Variants in STPG2 observed in about 807,000 individuals in gnomAD.
STPG2 encodes the protein sperm-tail PG-rich repeat-containing protein 2.
In STPG2, 56 loss-of-function variants were observed where a neutral mutation model predicts 54.2. The observed-to-expected ratio is 1.03, with a 90% CI of 0.83 to 1.29. The LOEUF (loss-of-function observed/expected upper bound fraction) is 1.29. STPG2 is among the 50% of genes most tolerant of loss of function. The pLI is 0.00. For missense variants in STPG2, 596 were observed against 544.9 expected, an observed-to-expected ratio of 1.09 and a Z score of -0.93; for synonymous variants, 200 against 181.8, an observed-to-expected ratio of 1.10 and a Z score of -0.81.
intron 7 of STPG2, among the ~76,000 whole-genome samples, chr4:97,950,449 AT>A (rs1383573829): frequency 6.6e-6 from 1 of 151,874 alleles, no homozygotes; most frequent in Non-Finnish European, 1.5e-5. Flanking sequence ...AGAAGTTCTG[AT>A]TTTTTTCTCT....
At chr4:97,868,480 T>A (rs1309408804) in intron 8 of STPG2, among the ~76,000 whole-genome samples, 1 of 151,864 alleles carries the variant, frequency 6.6e-6, no homozygotes, top group Non-Finnish European at 1.5e-5. Flanking sequence ...GTAGCATAAG[T>A]TAAGATCATA....
intron 5 of STPG2, among the ~76,000 whole-genome samples, chr4:98,000,113 G>T: frequency 6.6e-6 from 1 of 151,864 alleles, no homozygotes; most frequent in East Asian, 1.9e-4. Context: ...ATATAATCTT[G>T]ATATCATTTA....
intron 5 of STPG2, among the ~76,000 whole-genome samples, chr4:98,023,926 G>A (rs572673297): frequency 3.3e-5 from 5 of 152,234 alleles, no homozygotes; most frequent in African/African-American, 1.2e-4. Context: ...TCCAGGTGCC[G>A]TCTGTCACCC....
intron 10 of STPG2, among the ~76,000 whole-genome samples, chr4:97,676,858 C>T (rs149802191): frequency 2.2e-4 from 33 of 152,222 alleles, no homozygotes; most frequent in African/African-American, 7.0e-4. Flanking sequence ...AGGCAAATGA[C>T]CTGTTTCACT....
chr4:97,888,664 C>T (rs539765529), intron 8 of STPG2, among the ~76,000 whole-genome samples: 5 of 152,092 alleles, frequency 3.3e-5, no homozygotes, highest in Non-Finnish European at 4.4e-5. Flanking sequence ...TGAGTCAATG[C>T]TGAAATGATT....
chr4:97,519,812 A>T (rs1350705334), intron 4 of STPG2, among the ~76,000 whole-genome samples: 1 of 152,034 alleles, frequency 6.6e-6, no homozygotes, highest in Non-Finnish European at 1.5e-5. Context: ...GAGAAGGAAG[A>T]GGGAACAAGA....
intron 9 of STPG2, among the ~76,000 whole-genome samples, chr4:97,720,375 T>C (rs1308995548): frequency 6.6e-6 from 1 of 152,026 alleles, no homozygotes; most frequent in Non-Finnish European, 1.5e-5. Context: ...GGGAAAATTA[T>C]TATTTAAACT....
In STPG2 at chr4:97,770,751, T is replaced by C. The variant is rs73834194; in HGVS notation, c.1205-57937A>G. On this transcript the variant is annotated intron_variant, in intron 9 of 10. Transcript: ENST00000295268. The stretch of plus-strand genomic sequence containing the variant: ...ATGAACTGGGATTTGTGATTGAGAG[T>C]ACCAGAGGAACTAAAACTGAAGGTT... Among the ~76,000 whole-genome samples, 1,086 of 152,192 alleles carry C rather than the reference T, an allele frequency of 7.1e-3. 13 individuals are homozygous for C. The highest frequency in any genetic ancestry group is 0.024 in the African/African-American group (1,017 of 41,520).
At chr4:98,134,775 A>C (rs2110168618) in intron 1 of STPG2, among the ~76,000 whole-genome samples, 1 of 151,810 alleles carries the variant, frequency 6.6e-6, no homozygotes, top group East Asian at 1.9e-4. Flanking sequence ...TAGCTGATAA[A>C]ACATTTTCAT....
intron 4 of STPG2, among the ~76,000 whole-genome samples, chr4:97,459,440 G>GTTTTTTT (rs564314656): frequency 8.2e-6 from 1 of 122,490 alleles, no homozygotes; most frequent in African/African-American, 3.1e-5. Flanking sequence ...GTTTTTTTTT[G>GTTTTTTT]TTTTTTTTTT....
chr4:97,824,781 T>C (rs879917146), intron 9 of STPG2, among the ~76,000 whole-genome samples: 1 of 152,180 alleles, frequency 6.6e-6, no homozygotes, highest in Non-Finnish European at 1.5e-5. Flanking sequence ...AACTGCCCAA[T>C]GCTGTAGCTC....
intron 9 of STPG2, among the ~76,000 whole-genome samples, chr4:97,769,177 G>A (rs1726147950): frequency 6.6e-6 from 1 of 152,152 alleles, no homozygotes; most frequent in Non-Finnish European, 1.5e-5. Context: ...CAGTCAGTTG[G>A]GGGACTTAGA....
chr4:97,786,038 A>G (rs922260186), intron 9 of STPG2, among the ~76,000 whole-genome samples: 6 of 152,082 alleles, frequency 3.9e-5, no homozygotes, highest in Non-Finnish European at 8.8e-5. Context: ...ACTCTGAGCT[A>G]TGATTTACAC....
intron 8 of STPG2, among the ~76,000 whole-genome samples, chr4:97,900,222 G>A (rs889393408): frequency 2.6e-5 from 4 of 152,116 alleles, no homozygotes; most frequent in Admixed American, 2.6e-4. Flanking sequence ...ACCACAATGA[G>A]ATAGTGTTTC....
chr4:97,571,362 A>T (rs1052185753), intron 10 of STPG2, among the ~76,000 whole-genome samples: 1 of 152,136 alleles, frequency 6.6e-6, no homozygotes, highest in East Asian at 1.9e-4. Context: ...ATTTAACCCA[A>T]GAGACTGTTT....
At chr4:97,609,969 CAT>C (rs1733692779) in intron 10 of STPG2, among the ~76,000 whole-genome samples, 1 of 151,734 alleles carries the variant, frequency 6.6e-6, no homozygotes, top group African/African-American at 2.4e-5. Context: ...TGATGTTATA[CAT>C]GTGTATACAC....
At chr4:98,062,578 C>T (rs1049945758) in intron 5 of STPG2, among the ~76,000 whole-genome samples, 3 of 152,064 alleles carry the variant, frequency 2.0e-5, no homozygotes, top group Non-Finnish European at 4.4e-5. Flanking sequence ...AAAGAAAATT[C>T]ACATATACAA....
At chr4:97,547,534 A>G (rs1460141406) in intron 4 of STPG2, among the ~76,000 whole-genome samples, 1 of 152,074 alleles carries the variant, frequency 6.6e-6, no homozygotes, top group Non-Finnish European at 1.5e-5. Context: ...AAATCAGTAG[A>G]TGCATATTTT....
At chr4:98,025,863 T>C (rs1315788417) in intron 5 of STPG2, 1 of 1,598,360 alleles carries the variant, frequency 6.3e-7, no homozygotes, top group African/African-American at 1.3e-5. Flanking sequence ...AATAAAGTTT[T>C]TGGCACCCTG....
Sources: allele counts gnomAD v4.1 joint callset (sites outside exome capture counted in the v4.1 genomes callset), GRCh38; gene constraint gnomAD v4.1.1; transcripts MANE v1.5; gene names NCBI Gene and HGNC (gene_info 2026-07-23, HGNC 2026-07-21).